The following CCSER1 variants were observed in gnomAD, a reference collection of about 807,000 sequenced individuals.
CCSER1 encodes serine-rich coiled-coil domain-containing protein 1.
CCSER1 carries 41 observed loss-of-function variants against 82.0 expected under a neutral mutation model. The observed-to-expected ratio is 0.50, with a 90% CI of 0.39 to 0.65. CCSER1 has a LOEUF of 0.65. Among genes scored for constraint, CCSER1 ranks in the 30% least tolerant of loss-of-function variants. The pLI is 0.00. For synonymous variants in CCSER1, 414 were observed against 383.9 expected (o/e 1.08, Z -0.92); for missense variants, 1,119 against 1,064.2 (o/e 1.05, Z -0.72).
intron 5 of CCSER1, among the ~76,000 whole-genome samples, chr4:90,475,484 AC>A (rs1764951581): frequency 6.6e-6 from 1 of 152,192 alleles, no homozygotes; most frequent in South Asian, 2.1e-4. Flanking sequence ...GGGAGGAGAA[AC>A]TTTCTAACCT....
At chr4:91,498,155 A>G (rs1759025870) in intron 10 of CCSER1, among the ~76,000 whole-genome samples, 1 of 152,002 alleles carries the variant, frequency 6.6e-6, no homozygotes, top group African/African-American at 2.4e-5. Context: ...CAAAATGACA[A>G]TCTTTGCTGG....
chr4:91,588,261 T>A (rs1174961222), intron 10 of CCSER1, among the ~76,000 whole-genome samples: 1 of 151,466 alleles, frequency 6.6e-6, no homozygotes, highest in African/African-American at 2.4e-5. Context: ...AGAAAAAAAA[T>A]AGCCTTAGAT....
chr4:90,158,592 C>T (rs1276874066), intron 1 of CCSER1, among the ~76,000 whole-genome samples: 1 of 152,200 alleles, frequency 6.6e-6, no homozygotes, highest in Non-Finnish European at 1.5e-5. Flanking sequence ...GCGGGCTCCC[C>T]TCCCCAGCCT....
intron 4 of CCSER1, among the ~76,000 whole-genome samples, chr4:90,467,677 C>T (rs913407009): frequency 4.0e-5 from 6 of 151,208 alleles, no homozygotes; most frequent in East Asian, 2.0e-4. Flanking sequence ...AGCGAGACTC[C>T]GTCTCAAAAA....
chr4:91,040,257 T>G (rs1350795406), intron 9 of CCSER1, among the ~76,000 whole-genome samples: 1 of 152,172 alleles, frequency 6.6e-6, no homozygotes, highest in African/African-American at 2.4e-5. Flanking sequence ...GTTCTAGATA[T>G]TTTGGTTGTT....
intron 10 of CCSER1, among the ~76,000 whole-genome samples, chr4:91,420,226 A>G (rs1479627619): frequency 6.6e-6 from 1 of 152,112 alleles, no homozygotes; most frequent in East Asian, 1.9e-4. Flanking sequence ...GAAAAGCTTC[A>G]GCACAGCAAA....
At chr4:91,595,172 A>G (rs538350976) in intron 10 of CCSER1, among the ~76,000 whole-genome samples, 1 of 152,096 alleles carries the variant, frequency 6.6e-6, no homozygotes, top group Non-Finnish European at 1.5e-5. Flanking sequence ...TGAATTGGAG[A>G]CCACTATTAA....
intron 9 of CCSER1, among the ~76,000 whole-genome samples, chr4:91,002,568 T>C (rs1398307956): frequency 6.6e-6 from 1 of 152,216 alleles, no homozygotes; most frequent in Non-Finnish European, 1.5e-5. Flanking sequence ...TTTGCATTTC[T>C]ATAAGTGCAT....
At chr4:91,307,584 G>A (rs1171900877) in intron 10 of CCSER1, among the ~76,000 whole-genome samples, 1 of 151,962 alleles carries the variant, frequency 6.6e-6, no homozygotes, top group Admixed American at 6.6e-5. Flanking sequence ...CAGGTTATAT[G>A]TTGTGGTAAA....
intron 3 of CCSER1, among the ~76,000 whole-genome samples, chr4:90,378,169 C>A (rs1015510958): frequency 2.0e-5 from 3 of 152,102 alleles, no homozygotes; most frequent in Non-Finnish European, 4.4e-5. Flanking sequence ...TATCACTGAA[C>A]CTACCTCTGC....
chr4:90,873,415 T>C (rs1766811761), intron 8 of CCSER1, among the ~76,000 whole-genome samples: 1 of 152,144 alleles, frequency 6.6e-6, no homozygotes. Context: ...CTTCAGAGTT[T>C]CTGCTTTGGT....
intron 10 of CCSER1, among the ~76,000 whole-genome samples, chr4:91,165,383 G>A (rs546344835): frequency 1.3e-5 from 2 of 152,208 alleles, no homozygotes; most frequent in Non-Finnish European, 2.9e-5. Flanking sequence ...ACTGGGAAGT[G>A]TCAGGGACCC....
At chr4:90,134,029 A>G (rs776961979) in intron 1 of CCSER1, among the ~76,000 whole-genome samples, 5 of 142,740 alleles carry the variant, frequency 3.5e-5, no homozygotes, top group Non-Finnish European at 7.5e-5. Context: ...AAATTATGAA[A>G]TATTATTTTA....
At chr4:90,270,629 T>C (rs892449631) in intron 1 of CCSER1, among the ~76,000 whole-genome samples, 3 of 152,090 alleles carry the variant, frequency 2.0e-5, no homozygotes, top group Non-Finnish European at 4.4e-5. Context: ...AAAATAGTAC[T>C]GGAAGTTCTA....
chr4:91,225,936 A>G (rs756327880), intron 10 of CCSER1, among the ~76,000 whole-genome samples: 21 of 152,126 alleles, frequency 1.4e-4, no homozygotes, highest in Middle Eastern at 3.4e-3. Context: ...GGGAGGTAAC[A>G]TATGGTCTGA....
intron 6 of CCSER1, among the ~76,000 whole-genome samples, chr4:90,723,364 T>C (rs1259148434): frequency 6.6e-6 from 1 of 151,934 alleles, no homozygotes; most frequent in Non-Finnish European, 1.5e-5. Flanking sequence ...AATTTTTGTT[T>C]AGCAGAATAA....
chr4:90,269,434 T>C (rs908189381), intron 1 of CCSER1, among the ~76,000 whole-genome samples: 1 of 152,054 alleles, frequency 6.6e-6, no homozygotes, highest in East Asian at 1.9e-4. Flanking sequence ...TCTGAGTGAC[T>C]AGTGGGTCAA....
chr4:90,185,208 A>G (rs921605917), intron 1 of CCSER1, among the ~76,000 whole-genome samples: 17 of 152,064 alleles, frequency 1.1e-4, no homozygotes, highest in African/African-American at 4.1e-4. Context: ...ACTGCTTTTT[A>G]TTTCCCTGGA....
intron 10 of CCSER1, among the ~76,000 whole-genome samples, chr4:91,457,014 G>C (rs1044356307): frequency 6.6e-6 from 1 of 151,920 alleles, no homozygotes. Context: ...GGAAGTATTC[G>C]TTGAGTAGCT....
Sources: allele counts gnomAD v4.1 joint callset (sites outside exome capture counted in the v4.1 genomes callset), GRCh38; gene constraint gnomAD v4.1.1; transcripts MANE v1.5; gene names NCBI Gene and HGNC (gene_info 2026-07-23, HGNC 2026-07-21).